The following SCN7A variants were observed in gnomAD, a reference collection of about 807,000 sequenced individuals.
The protein encoded by SCN7A is sodium channel protein type 7 subunit alpha.
A neutral mutation model predicts 155.2 loss-of-function variants in SCN7A; 138 were observed. The observed-to-expected ratio is 0.89, with a 90% CI of 0.77 to 1.02. SCN7A has a LOEUF of 1.02. Among genes scored for constraint, SCN7A ranks in the 50% least tolerant of loss-of-function variants. The pLI is 0.00. For missense variants in SCN7A, 2,058 were observed against 1,986.6 expected (o/e 1.04, Z -0.68); for synonymous variants, 693 against 649.0 (o/e 1.07, Z -1.03).
intron 15 of SCN7A, among the ~76,000 whole-genome samples, chr2:166,436,157 T>C (rs2105421707): frequency 6.6e-6 from 1 of 152,308 alleles, no homozygotes; most frequent in Admixed American, 6.5e-5. Flanking sequence ...ATTTATTAAG[T>C]GATTGAAATG....
chr2:166,415,940 A>C (rs1051784940), intron 21 of SCN7A, among the ~76,000 whole-genome samples: 7 of 152,156 alleles, frequency 4.6e-5, no homozygotes, highest in Non-Finnish European at 7.4e-5. Context: ...GAGAGCCTAT[A>C]AATGGACGTG....
At chr2:166,432,283 C>A in intron 16 of SCN7A, 35 bp downstream of exon 16, 1 of 1,509,476 alleles carries the variant, frequency 6.6e-7, no homozygotes, top group South Asian at 1.3e-5. Flanking sequence ...TACTATAAAT[C>A]ACCACTAAGC....
intron 15 of SCN7A, chr2:166,440,637 C>A (rs1701939719): frequency 6.6e-6 from 1 of 151,822 alleles, no homozygotes; most frequent in Admixed American, 6.6e-5. Flanking sequence ...ATACAATATA[C>A]AATTTGTATA....
At chr2:166,420,842 C>T (rs1701495471) in intron 20 of SCN7A, among the ~76,000 whole-genome samples, 1 of 151,966 alleles carries the variant, frequency 6.6e-6, no homozygotes, top group Non-Finnish European at 1.5e-5. Context: ...AGTTTGTTAA[C>T]TGATCCAAGT....
At chr2:166,430,912 C>G (rs1323845483) in intron 16 of SCN7A, among the ~76,000 whole-genome samples, 1 of 151,936 alleles carries the variant, frequency 6.6e-6, no homozygotes, top group East Asian at 1.9e-4. Context: ...TAGAAAGCAT[C>G]TAACTAAATA....
chr2:166,445,593 CTCTCTCT>C (rs1702046171), intron 12 of SCN7A, among the ~76,000 whole-genome samples: 1 of 148,420 alleles, frequency 6.7e-6, no homozygotes, highest in Admixed American at 6.7e-5. Context: ...CTTTCTCTCT[CTCTCTCT>C]TTTTTGTCTG....
rs150166803 is a variant in SCN7A at position 166,473,966 on chromosome 2, G to A, written c.354-78C>T. ...TTTCTATGATATATATTTCTTAAAT[G>A]TTGAAAAATATTAATCTTATTGAAC... On this transcript the variant is annotated intron_variant, in intron 4 of 25. Coordinates refer to ENST00000643258, the MANE Select transcript of SCN7A (RefSeq NM_002976.4). The A allele has an allele frequency of 3.8e-3, 2,843 of 756,912 alleles. 63 individuals are homozygous for A. The African/African-American group carries it at 0.046, about 12-fold the overall frequency. The allele number at this position is 756,912 out of a possible 1,614,324, so 46.9% of individuals were successfully genotyped here. A position where few individuals can be genotyped will look rare whatever the true frequency, so the allele number is the denominator to read the frequency against.
At chr2:166,422,587 T>A (rs1181694091) in intron 19 of SCN7A, among the ~76,000 whole-genome samples, 2 of 152,102 alleles carry the variant, frequency 1.3e-5, no homozygotes, top group African/African-American at 4.8e-5. Flanking sequence ...AAGTGCTCCA[T>A]GAAGGCTGGT....
chr2:166,423,880 CTATCAGGTAAACCAGTTGAAA>C (rs1701565083), intron 18 of SCN7A, among the ~76,000 whole-genome samples: 1 of 152,078 alleles, frequency 6.6e-6, no homozygotes, highest in Admixed American at 6.6e-5. Flanking sequence ...ATCCATAAGG[CTATCAGGTAAACCAGTTGAAA>C]TGCTGACGAT....
chr2:166,474,385 A>G lies in SCN7A; in HGVS notation c.235-41T>C, dbSNP rs57411437. The G allele has an allele frequency of 1.4e-3, 1,199 of 854,220 alleles. 8 individuals carry two copies. In the African/African-American group the frequency reaches 0.019, roughly 14 times the overall value. 52.9% of individuals were successfully genotyped at this position (854,220 alleles called of 1,614,324 possible). ...CGATCAAGTGAAATTAGAACTCAGAACCATAATCTCATCAATTATGCAATA... is the reference window on the plus strand; with the variant it reads ...CGATCAAGTGAAATTAGAACTCAGAGCCATAATCTCATCAATTATGCAATA... On this transcript the variant is annotated intron_variant, in intron 3 of 25. Coordinates refer to ENST00000643258, the MANE Select transcript of SCN7A (RefSeq NM_002976.4).
intron 13 of SCN7A, 47 bp downstream of exon 13, chr2:166,444,715 A>G (rs1188201343): frequency 9.2e-7 from 1 of 1,091,216 alleles, no homozygotes; most frequent in East Asian, 2.6e-5. Flanking sequence ...AAGTTCAATG[A>G]TAACTAAGAA....
In SCN7A at chr2:166,459,854, T is replaced by C. The variant is rs576388252; in HGVS notation, c.1083+2535A>G. On this transcript the variant is annotated intron_variant, in intron 10 of 25. Transcript: ENST00000643258. ...ACATGGATGAAGCTGGAAACCATCA[T>C]TCTCAGCAAACTAACACAAGAACAG... Among the ~76,000 whole-genome samples, 4 of 152,030 alleles carry C rather than the reference T, an allele frequency of 2.6e-5. No individual in the cohort carries two copies. The South Asian group carries it at 8.3e-4, about 32-fold the overall frequency.
At position 166,465,452 on chromosome 2, in the gene SCN7A, T is replaced by C. The variant is rs1412480830; in HGVS notation, c.941+10A>G. On this transcript the variant is annotated intron_variant, in intron 9 of 25. Transcript: ENST00000643258. ...TAATGATTTAATAGAATAAAACTAA[T>C]ACCACCTACCCAGCATCTGTCCTGT... 13 of 1,589,442 alleles carry C rather than the reference T, an allele frequency of 8.2e-6. No individual in the cohort carries two copies. The Admixed American group carries it at 1.7e-4, about 21-fold the overall frequency.
At chr2:166,457,968 C>T (rs1045947557) in intron 10 of SCN7A, among the ~76,000 whole-genome samples, 3 of 152,108 alleles carry the variant, frequency 2.0e-5, no homozygotes, top group Admixed American at 6.5e-5. Flanking sequence ...AGAGTTCAAA[C>T]ATTCAATGAG....
intron 3 of SCN7A, 54 bp from the exon 4 acceptor site, chr2:166,474,398 C>G (rs1575060661): frequency 1.1e-5 from 7 of 653,456 alleles, no homozygotes; most frequent in Non-Finnish European, 1.7e-5. Context: ...ATAATCTCAT[C>G]AATTATGCAA....
chr2:166,475,261 G>A (rs1014095850), intron 3 of SCN7A, among the ~76,000 whole-genome samples: 1 of 148,104 alleles, frequency 6.8e-6, no homozygotes, highest in African/African-American at 2.5e-5. Context: ...CTAAAAGAGT[G>A]TATTTTATAA....
Position 166,406,328 on chromosome 2 carries a change from G to C in SCN7A, c.4301C>G (p.Ala1434Gly), listed in dbSNP as rs1016261512. 2 of 1,612,948 alleles carry C rather than the reference G, an allele frequency of 1.2e-6. No individual in the cohort carries two copies. The highest frequency in any genetic ancestry group is 1.7e-6 in the Non-Finnish European group (2 of 1,179,386). ...TGCATCAAGCATCCCATCCCAACCAGCAAATATTGCAACTTGAAAAAGACA... is the reference window on the plus strand; with the variant it reads ...TGCATCAAGCATCCCATCCCAACCACCAAATATTGCAACTTGAAAAAGACA... Reference protein sequence around the residue: ...MLCLFQVAIFAGWDGMLDAIF... With the variant: ...MLCLFQVAIFGGWDGMLDAIF... The change falls in exon 26 of 26, where the codon GCT becomes GGT. Residue 1434 changes from alanine to glycine, a missense_variant. Coordinates refer to ENST00000643258, the MANE Select transcript of SCN7A (RefSeq NM_002976.4).
At chr2:166,443,480 G>A (rs1325795129) in intron 14 of SCN7A, 23 bp downstream of exon 14, 5 of 1,558,556 alleles carry the variant, frequency 3.2e-6, no homozygotes, top group Non-Finnish European at 3.5e-6. Context: ...TCAAATAAAA[G>A]TTAGGTATTG....
chr2:166,441,609 C>CA lies in SCN7A; in HGVS notation c.1943dup (p.Phe649ValfsTer3), dbSNP rs764835107. On this transcript the variant is annotated frameshift_variant, in exon 15 of 26. Coordinates refer to ENST00000643258, the MANE Select transcript of SCN7A (RefSeq NM_002976.4). LOFTEE classifies it high-confidence loss of function. ...CAAATTCTTCATAATTCTTACCAAA[C>CA]AGCTTCATGCCGAATGCAGCAGAAA... 1 of 1,613,886 alleles carries CA rather than the reference C, an allele frequency of 6.2e-7. No individual in the cohort carries two copies. The highest frequency in any genetic ancestry group is 1.1e-5 in the South Asian group (1 of 91,078).
Sources: gnomAD v4.1 joint callset for allele counts (sites outside exome capture counted in the v4.1 genomes callset) on GRCh38, gnomAD v4.1.1 for gene constraint, MANE v1.5 for transcripts, NCBI Gene and HGNC (gene_info 2026-07-23, HGNC 2026-07-21) for gene names.